The following SDK1 variants were observed in gnomAD, a reference collection of about 807,000 sequenced individuals.
SDK1 encodes protein sidekick-1.
In SDK1, 157 loss-of-function variants were observed where a neutral mutation model predicts 245.5. The observed-to-expected ratio is 0.64, with a 90% CI of 0.56 to 0.73. The LOEUF (loss-of-function observed/expected upper bound fraction) is 0.73. Among genes scored for constraint, SDK1 ranks in the 30% least tolerant of loss-of-function variants. SDK1 has a pLI of 0.00. For missense variants in SDK1, 3,583 were observed against 3,002.3 expected (o/e 1.19, Z -4.52); for synonymous variants, 1,647 against 1,278.5 (o/e 1.29, Z -6.15).
chr7:4,175,212 C>T (rs118190362), intron 33 of SDK1, among the ~76,000 whole-genome samples: 10 of 152,320 alleles, frequency 6.6e-5, no homozygotes, highest in South Asian at 2.1e-4. Flanking sequence ...ATGTTGAAGA[C>T]GGGAAATTGC....
At chr7:3,432,574 G>A (rs1003666638) in intron 1 of SDK1, among the ~76,000 whole-genome samples, 9 of 150,986 alleles carry the variant, frequency 6.0e-5, no homozygotes, top group Non-Finnish European at 1.2e-4. Flanking sequence ...GATTACTACC[G>A]AAGGGAAGAA....
chr7:3,855,340 T>G (rs1183758194), intron 5 of SDK1, among the ~76,000 whole-genome samples: 3 of 151,782 alleles, frequency 2.0e-5, no homozygotes, highest in South Asian at 2.1e-4. Context: ...AAGGAAATGC[T>G]GAATAGAACA....
intron 1 of SDK1, among the ~76,000 whole-genome samples, chr7:3,562,835 C>T (rs1271954196): frequency 2.6e-5 from 3 of 115,400 alleles, no homozygotes; most frequent in African/African-American, 1.0e-4. Flanking sequence ...ATAAAAGTTT[C>T]TATATAAAGA....
intron 5 of SDK1, among the ~76,000 whole-genome samples, chr7:3,849,927 GGA>G (rs1327903266): frequency 6.6e-6 from 1 of 152,124 alleles, no homozygotes; most frequent in Non-Finnish European, 1.5e-5. Flanking sequence ...TAGCTTGGCT[GGA>G]GAGAGAATTC....
At chr7:4,017,682 C>T (rs947746208) in intron 17 of SDK1, among the ~76,000 whole-genome samples, 1 of 152,152 alleles carries the variant, frequency 6.6e-6, no homozygotes, top group Non-Finnish European at 1.5e-5. Flanking sequence ...CACAGGAAAG[C>T]TGGCTGTGGA....
intron 14 of SDK1, among the ~76,000 whole-genome samples, chr7:4,006,630 G>C (rs1785506697): frequency 6.6e-6 from 1 of 152,216 alleles, no homozygotes; most frequent in Non-Finnish European, 1.5e-5. Context: ...AGGGTGCCCA[G>C]AGATGGATCA....
At chr7:3,791,060 G>A (rs572734352) in intron 4 of SDK1, among the ~76,000 whole-genome samples, 1 of 152,194 alleles carries the variant, frequency 6.6e-6, no homozygotes, top group South Asian at 2.1e-4. Flanking sequence ...TCTAACAGCA[G>A]TGCCTAGTTC....
rs1470578351 is a variant in SDK1, at chr7:4,267,254, C to CTCCCTCCT, written c.*1878_*1885dup. On this transcript the variant is annotated 3_prime_UTR_variant, in exon 45 of 45. Coordinates refer to ENST00000404826, the MANE Select transcript of SDK1 (RefSeq NM_152744.4). Reference sequence around the variant, plus strand: ...CCTTCCTCTCTTCTTTCCTCCCTCCCTCCCTCCTTCCCTCCCTTCCTTCCT... The same window carrying CTCCCTCCT: ...CCTTCCTCTCTTCTTTCCTCCCTCCCTCCCTCCTTCCCTCCTTCCCTCCCTTCCTTCCT... 2 of 698,776 alleles carry CTCCCTCCT rather than the reference C, an allele frequency of 2.9e-6. No individual in the cohort carries two copies. The highest frequency in any genetic ancestry group is 3.5e-6 in the Non-Finnish European group (2 of 569,458). The allele number at this position is 698,776 out of a possible 1,614,324, so 43.3% of individuals were successfully genotyped here.
chr7:4,024,363 A>C (rs924170904), intron 17 of SDK1, among the ~76,000 whole-genome samples: 3 of 143,598 alleles, frequency 2.1e-5, no homozygotes, highest in African/African-American at 8.2e-5. Context: ...TGCACAAAAG[A>C]TTTGTTTCTC....
chr7:3,862,642 T>C (rs1780722192), intron 5 of SDK1, among the ~76,000 whole-genome samples: 1 of 152,218 alleles, frequency 6.6e-6, no homozygotes, highest in Admixed American at 6.5e-5. Context: ...CTCTTCCTTA[T>C]TTTCACTTCA....
chr7:3,415,600 A>G (rs1469882910), intron 1 of SDK1, among the ~76,000 whole-genome samples: 1 of 152,036 alleles, frequency 6.6e-6, no homozygotes, highest in East Asian at 1.9e-4. Flanking sequence ...ACACAGAAGT[A>G]CAAAAAGGAT....
intron 2 of SDK1, among the ~76,000 whole-genome samples, chr7:3,632,292 A>G (rs1782318478): frequency 6.6e-6 from 1 of 152,240 alleles, no homozygotes; most frequent in Non-Finnish European, 1.5e-5. Flanking sequence ...TGACGAATGC[A>G]TAATCCCCAA....
chr7:3,915,111 C>G (rs114815357), intron 5 of SDK1, among the ~76,000 whole-genome samples: 2 of 152,288 alleles, frequency 1.3e-5, no homozygotes, highest in African/African-American at 4.8e-5. Flanking sequence ...CCTAAGGGCA[C>G]GAGAAGTTGA....
intron 19 of SDK1, among the ~76,000 whole-genome samples, chr7:4,059,200 A>C (rs1442465934): frequency 1.3e-5 from 2 of 152,248 alleles, no homozygotes; most frequent in Non-Finnish European, 2.9e-5. Context: ...GGCTGTGTAC[A>C]AGAAACTCAG....
intron 32 of SDK1, among the ~76,000 whole-genome samples, chr7:4,166,079 G>T (rs77326831): frequency 2.6e-4 from 39 of 152,338 alleles, no homozygotes; most frequent in African/African-American, 8.7e-4. Flanking sequence ...ATGAGCCACT[G>T]CCCAGCCTGT....
At chr7:3,698,125 A>G (rs547040977) in intron 4 of SDK1, among the ~76,000 whole-genome samples, 6 of 152,274 alleles carry the variant, frequency 3.9e-5, no homozygotes, top group Admixed American at 2.6e-4. Context: ...TTCCTCCCAA[A>G]GGACCACAAA....
chr7:3,457,831 C>T (rs911760351), intron 1 of SDK1, among the ~76,000 whole-genome samples: 35 of 152,278 alleles, frequency 2.3e-4, no homozygotes, highest in African/African-American at 7.5e-4. Context: ...CCATGTCTCT[C>T]TCTCTTTCTG....
At chr7:3,805,556 T>G (rs1041183732) in intron 4 of SDK1, among the ~76,000 whole-genome samples, 1 of 152,224 alleles carries the variant, frequency 6.6e-6, no homozygotes, top group African/African-American at 2.4e-5. Context: ...TTCTTTTTTG[T>G]GGCAAATGGT....
At chr7:3,776,886 A>G (rs1199602706) in intron 4 of SDK1, among the ~76,000 whole-genome samples, 1 of 152,146 alleles carries the variant, frequency 6.6e-6, no homozygotes, top group Non-Finnish European at 1.5e-5. Context: ...AAACTTCTCA[A>G]AATCTCCATG....
Sources: allele counts gnomAD v4.1 joint callset (sites outside exome capture counted in the v4.1 genomes callset), GRCh38; gene constraint gnomAD v4.1.1; transcripts MANE v1.5; gene names NCBI Gene and HGNC (gene_info 2026-07-23, HGNC 2026-07-21).